The following EXT1 variants were observed in gnomAD, a reference collection of about 807,000 sequenced individuals.
EXT1 encodes the protein exostosin glycosyltransferase 1, also known as exostosin-1.
In EXT1, 20 loss-of-function variants were observed where a neutral mutation model predicts 82.5. The ratio of observed to expected loss-of-function variants is 0.24; its 90% confidence interval spans 0.17 to 0.35. The LOEUF (loss-of-function observed/expected upper bound fraction) is 0.35, where lower values mean the gene tolerates loss of function less well. EXT1 is among the 10% of genes least tolerant of loss of function. EXT1 has a pLI of 1.00. For missense variants in EXT1, 757 were observed against 936.5 expected, an observed-to-expected ratio of 0.81 and a Z score of 2.50; for synonymous variants, 348 against 350.8, an observed-to-expected ratio of 0.99 and a Z score of 0.09.
chr8:117,876,222 T>C (rs1812967659), intron 1 of EXT1, among the ~76,000 whole-genome samples: 1 of 152,150 alleles, frequency 6.6e-6, no homozygotes. Context: ...AGCATCTAAC[T>C]CACAAGGAAT....
chr8:118,041,661 A>AAGGAAG (rs1563637769), intron 1 of EXT1, among the ~76,000 whole-genome samples: 1 of 111,202 alleles, frequency 9.0e-6, no homozygotes, highest in African/African-American at 3.5e-5. Context: ...AGAAAGAGAG[A>AAGGAAG]GAAAGAAGGA....
intron 1 of EXT1, among the ~76,000 whole-genome samples, chr8:117,859,938 G>T (rs2129859585): frequency 6.6e-6 from 1 of 152,196 alleles, no homozygotes; most frequent in African/African-American, 2.4e-5. Context: ...CCTGAGGTCA[G>T]GAGTTCGGGA....
chr8:117,816,797 G>A (rs963473145), intron 7 of EXT1, among the ~76,000 whole-genome samples: 6 of 152,168 alleles, frequency 3.9e-5, no homozygotes, highest in Non-Finnish European at 8.8e-5. Context: ...CAGACAGACT[G>A]GATTGTGTCT....
intron 1 of EXT1, among the ~76,000 whole-genome samples, chr8:117,990,279 G>T (rs180807786): frequency 6.6e-6 from 1 of 152,192 alleles, no homozygotes; most frequent in East Asian, 1.9e-4. Flanking sequence ...AAGAAAAGGA[G>T]AGTAATTCTG....
chr8:117,959,795 A>C (rs1333583269), intron 1 of EXT1, among the ~76,000 whole-genome samples: 1 of 152,236 alleles, frequency 6.6e-6, no homozygotes, highest in African/African-American at 2.4e-5. Context: ...GTGGCTGCCT[A>C]AGTTCATAAT....
chr8:118,034,178 G>C (rs891194987), intron 1 of EXT1, among the ~76,000 whole-genome samples: 1 of 152,100 alleles, frequency 6.6e-6, no homozygotes, highest in African/African-American at 2.4e-5. Context: ...CATTTTTAAA[G>C]AGGTGATTCT....
At chr8:117,924,302 C>T (rs888239664) in intron 1 of EXT1, among the ~76,000 whole-genome samples, 1 of 152,144 alleles carries the variant, frequency 6.6e-6, no homozygotes, top group Non-Finnish European at 1.5e-5. Context: ...AGTTCACATA[C>T]AATTAAGAGA....
At chr8:117,914,402 T>C (rs1473209972) in intron 1 of EXT1, among the ~76,000 whole-genome samples, 2 of 152,136 alleles carry the variant, frequency 1.3e-5, no homozygotes, top group Non-Finnish European at 2.9e-5. Flanking sequence ...TTAGTACACC[T>C]TGAAAAAGAA....
intron 1 of EXT1, among the ~76,000 whole-genome samples, chr8:118,027,727 G>A (rs1260568430): frequency 1.3e-5 from 2 of 151,996 alleles, no homozygotes; most frequent in South Asian, 2.1e-4. Context: ...TTACTCTTAC[G>A]TAGTCCAGAA....
At chr8:117,886,290 C>G (rs1813147359) in intron 1 of EXT1, among the ~76,000 whole-genome samples, 1 of 152,104 alleles carries the variant, frequency 6.6e-6, no homozygotes, top group Admixed American at 6.5e-5. Context: ...TGGAAACCAC[C>G]TTATACTGCA....
intron 1 of EXT1, among the ~76,000 whole-genome samples, chr8:118,054,735 T>C (rs1413774035): frequency 6.6e-5 from 10 of 151,994 alleles, no homozygotes; most frequent in Non-Finnish European, 1.5e-4. Context: ...TCCAAATGGG[T>C]CCCACTACCA....
At chr8:117,998,093 A>T (rs1165398937) in intron 1 of EXT1, among the ~76,000 whole-genome samples, 1 of 149,864 alleles carries the variant, frequency 6.7e-6, no homozygotes, top group Non-Finnish European at 1.5e-5. Context: ...GGCTCACTGC[A>T]ACCTCCGCCT....
intron 1 of EXT1, among the ~76,000 whole-genome samples, chr8:117,952,650 C>T (rs1338519621): frequency 1.3e-5 from 2 of 151,952 alleles, no homozygotes; most frequent in Non-Finnish European, 2.9e-5. Flanking sequence ...TAATCCCAGT[C>T]ACTTGGGAGG....
In EXT1 at chr8:117,897,591, C is replaced by CTTTTTTTTTTTTTTTTTTT. The variant is rs34963536; in HGVS notation, c.963-60409_963-60391dup. On this transcript the variant is annotated intron_variant, in intron 1 of 10. Coordinates refer to ENST00000378204, the MANE Select transcript of EXT1 (RefSeq NM_000127.3). ...TAGCCCATTGCCGGGCTTCTTTTCT[C>CTTTTTTTTTTTTTTTTTTT]TTTTTTTTTTTTTTTTTTTTTGAGA... 6.4e-4 allele frequency among the ~76,000 whole-genome samples: 58 copies of CTTTTTTTTTTTTTTTTTTT among 90,688 alleles called. 3 individuals are homozygous for CTTTTTTTTTTTTTTTTTTT. The highest frequency in any genetic ancestry group is 2.4e-3 in the African/African-American group (55 of 22,894). 59.5% of individuals were successfully genotyped at this position (90,688 alleles called of 152,430 possible). A position where few individuals can be genotyped will look rare whatever the true frequency, so the allele number is the denominator to read the frequency against.
intron 1 of EXT1, among the ~76,000 whole-genome samples, chr8:118,011,290 G>A (rs959132406): frequency 3.9e-5 from 6 of 152,180 alleles, no homozygotes; most frequent in East Asian, 1.9e-4. Flanking sequence ...GGCAGGACTC[G>A]TGTCTGTCTC....
At chr8:117,807,476 G>T (rs1335441282) in intron 8 of EXT1, 99 bp from the exon 9 acceptor site, 9 of 1,358,326 alleles carry the variant, frequency 6.6e-6, no homozygotes, top group Non-Finnish European at 9.3e-6. Flanking sequence ...AAAATCCGGG[G>T]ACTGTGGCGA....
Position 117,964,623 on chromosome 8 carries a change from G to GTT in EXT1, c.963-127423_963-127422insAA, listed in dbSNP as rs1334901183. On this transcript the variant is annotated intron_variant, in intron 1 of 10. Transcript: ENST00000378204. ...GTGGGTTTTATGTCTGTGTGTGTGT[G>GTT]TGTTTGTTTGTTTGTTTGTTTGTTT... 6.6e-3 allele frequency among the ~76,000 whole-genome samples: 996 copies of GTT among 149,836 alleles called. 7 individuals are homozygous for GTT. Among genetic ancestry groups the GTT allele is most frequent in the Non-Finnish European group, 0.011 (740 of 67,470 alleles).
At chr8:118,065,510 T>C (rs1465608208) in intron 1 of EXT1, among the ~76,000 whole-genome samples, 1 of 152,202 alleles carries the variant, frequency 6.6e-6, no homozygotes, top group Non-Finnish European at 1.5e-5. Flanking sequence ...AGTTGTCAAT[T>C]TTCTTCTTTT....
intron 1 of EXT1, among the ~76,000 whole-genome samples, chr8:118,066,517 AC>A (rs17505886): frequency 0.064 from 9,686 of 151,634 alleles, 968 homozygotes; most frequent in African/African-American, 0.22. Context: ...CACCACCCAC[AC>A]CCAAAATAGT....
Sources: allele counts gnomAD v4.1 joint callset (sites outside exome capture counted in the v4.1 genomes callset), GRCh38; gene constraint gnomAD v4.1.1; transcripts MANE v1.5; gene names NCBI Gene and HGNC (gene_info 2026-07-23, HGNC 2026-07-21).